TIGD1: variants seen among roughly 807,000 people sequenced by gnomAD.
The protein encoded by TIGD1 is tigger transposable element-derived protein 1.
In TIGD1, 20 loss-of-function variants were observed where a neutral mutation model predicts 21.3. That is an observed-to-expected ratio of 0.94 (90% CI 0.66 to 1.36). The LOEUF (loss-of-function observed/expected upper bound fraction) is 1.36, where lower values mean the gene tolerates loss of function less well. TIGD1 is among the 40% of genes most tolerant of loss of function. The pLI is 0.00. For missense variants in TIGD1, 556 were observed against 350.5 expected (o/e 1.59, Z -4.68); for synonymous variants, 177 against 123.2 (o/e 1.44, Z -2.89).
rs1012909651 is a variant in TIGD1, at chr2:232,548,281, A to G, written c.1602T>C (p.Phe534=). Residue 534 remains phenylalanine, a synonymous_variant, in exon 1 of 1, where the codon TTT becomes TTC. Coordinates refer to ENST00000408957, the MANE Select transcript of TIGD1 (RefSeq NM_145702.4). ...GCATGAGTTGACTCTTCCTTTCATG[A>G]AAGATTTCTCTGTAGCATGCGATGC... ...SNSIACYREI[F]HERKSQLMRK... 1.2e-5 allele frequency: 18 copies of G among 1,536,368 alleles called. No homozygotes were observed. In the Admixed American group the frequency reaches 3.0e-4, roughly 26 times the overall value.
In TIGD1 at chr2:232,543,953, G is replaced by A. The variant is rs2106222525; in HGVS notation, c.*4154C>T. Among the ~76,000 whole-genome samples the A allele has an allele frequency of 6.6e-6, 1 of 152,356 alleles. No individual in the cohort carries two copies. The highest frequency in any genetic ancestry group is 2.4e-5 in the African/African-American group (1 of 41,584). On this transcript the variant is annotated 3_prime_UTR_variant, in exon 1 of 1. Transcript: ENST00000408957. ...CTCCAATTACAGATGAGGACGTTGA[G>A]GCGCAGAGAGGTTAAGTAACCTGCC... is the stretch of plus-strand genomic sequence containing the variant.
Position 232,548,817 on chromosome 2 carries a change from C to A in TIGD1, c.1066G>T (p.Ala356Ser). The A allele has an allele frequency of 1.8e-6, 1 of 570,498 alleles. No individual in the cohort carries two copies. The highest frequency in any genetic ancestry group is 3.3e-6 in the Non-Finnish European group (1 of 305,744). 35.3% of individuals were successfully genotyped at this position (570,498 alleles called of 1,614,324 possible). ...TCAGAGACATCACTATCCATGGCAGCTAGAGCCTTATGAAATGTATTTCTC... is the reference window on the plus strand; with the variant it reads ...TCAGAGACATCACTATCCATGGCAGATAGAGCCTTATGAAATGTATTTCTC... Reference protein sequence around the residue: ...YLRNTFHKALAAMDSDVSDGS... With the variant: ...YLRNTFHKALSAMDSDVSDGS... The change falls in exon 1 of 1, where the codon GCT (alanine) becomes TCT (serine). Residue 356 changes from alanine to serine, a missense_variant. Coordinates refer to ENST00000408957, the MANE Select transcript of TIGD1 (RefSeq NM_145702.4).
In TIGD1 at chr2:232,545,854, G is replaced by C. The variant is rs1692123316; in HGVS notation, c.*2253C>G. Reference sequence around the variant, plus strand: ...AGGACTGTGTGAGCCAAACAGCCCTGAGAAAAGCTGGGGAAACAGTCTGAG... The same window carrying C: ...AGGACTGTGTGAGCCAAACAGCCCTCAGAAAAGCTGGGGAAACAGTCTGAG... On this transcript the variant is annotated 3_prime_UTR_variant, in exon 1 of 1. Coordinates refer to ENST00000408957, the MANE Select transcript of TIGD1 (RefSeq NM_145702.4). 2 of 998,580 alleles carry C rather than the reference G, an allele frequency of 2.0e-6. No individual in the cohort carries two copies. Among genetic ancestry groups the C allele is most frequent in the African/African-American group, 3.2e-5 (2 of 63,088 alleles). The allele number at this position is 998,580 out of a possible 1,614,324, so 61.9% of individuals were successfully genotyped here. A position where few individuals can be genotyped will look rare whatever the true frequency, so the allele number is the denominator to read the frequency against.
chr2:232,545,559 T>A lies in TIGD1; in HGVS notation c.*2548A>T, dbSNP rs1321558030. 1.2e-6 allele frequency: 2 copies of A among 1,613,892 alleles called. No homozygotes were observed. Among genetic ancestry groups the A allele is most frequent in the Non-Finnish European group, 1.7e-6 (2 of 1,179,978 alleles). The stretch of plus-strand genomic sequence containing the variant: ...CACCCTCAGGGGAATGAGGAGTGGT[T>A]CCTGGTGGGCCGAGTGCTGGACCGC... On this transcript the variant is annotated 3_prime_UTR_variant, in exon 1 of 1. Transcript: ENST00000408957.
Position 232,549,479 on chromosome 2 carries a change from C to T in TIGD1, c.404G>A (p.Trp135Ter). The change falls in exon 1 of 1, where the codon TGG becomes TAG. Residue 135 changes from tryptophan (W) to a stop codon, truncating the protein, a stop_gained. Coordinates refer to ENST00000408957, the MANE Select transcript of TIGD1 (RefSeq NM_145702.4). LOFTEE classifies it high-confidence loss of function. Reference sequence around the variant, plus strand: ...GCTTCTTTCCTTAAACCTCATGAACCAACCTCTGCTAGCTTCAAACTTTTC... The same window carrying T: ...GCTTCTTTCCTTAAACCTCATGAACTAACCTCTGCTAGCTTCAAACTTTTC... ...AEEKFEASRG[W>*]FMRFKERSHF... The T allele has an allele frequency of 2.9e-6, 2 of 678,044 alleles. No homozygotes were observed. The highest frequency in any genetic ancestry group is 5.3e-6 in the Non-Finnish European group (2 of 377,394). The allele number at this position is 678,044 out of a possible 1,614,324, so 42.0% of individuals were successfully genotyped here. A position where few individuals can be genotyped will look rare whatever the true frequency, so the allele number is the denominator to read the frequency against.
rs1692166521 is a variant in TIGD1, at chr2:232,548,245, T to C, written c.1638A>G (p.Ser546=). 2 of 1,543,848 alleles carry C rather than the reference T, an allele frequency of 1.3e-6. No homozygotes were observed. Among genetic ancestry groups the C allele is most frequent in the African/African-American group, 1.4e-5 (1 of 73,090 alleles). Residue 546 remains serine (S), a synonymous_variant, in exon 1 of 1, where the codon TCA becomes TCG. Coordinates refer to ENST00000408957, the MANE Select transcript of TIGD1 (RefSeq NM_145702.4). Reference sequence around the variant, plus strand: ...GCAATTTCCTAAAATAAGACATCGGTGAAGCTTTTCGCATGAGTTGACTCT... The same window carrying C: ...GCAATTTCCTAAAATAAGACATCGGCGAAGCTTTTCGCATGAGTTGACTCT... ...ERKSQLMRKA[S]PMSYFRKLPQ... is the part of the protein sequence containing the mutation.
chr2:232,545,502 G>A lies in TIGD1; in HGVS notation c.*2605C>T. 1 of 1,583,874 alleles carries A rather than the reference G, an allele frequency of 6.3e-7. No homozygotes were observed. Among genetic ancestry groups the A allele is most frequent in the Non-Finnish European group, 8.6e-7 (1 of 1,160,106 alleles). On this transcript the variant is annotated 3_prime_UTR_variant, in exon 1 of 1. Transcript: ENST00000408957. ...GAGAACAGGACCCAGGGAAGACCTG[G>A]TGCCGCCGCTGGTTATCCCACACCT...
In TIGD1 at chr2:232,545,426, TAAG is replaced by T. The variant is rs371701124; in HGVS notation, c.*2678_*2680del. On this transcript the variant is annotated 3_prime_UTR_variant, in exon 1 of 1. Transcript: ENST00000408957. ...CCACCAGTTGGGACCCGGACATAGG[TAAG>T]AAGGGCCCCAGGAAATGGAGACATG... 2.0e-4 allele frequency: 196 copies of T among 963,526 alleles called. 1 individual carries two copies. In the East Asian group the frequency reaches 4.4e-3, roughly 22 times the overall value. The allele number at this position is 963,526 out of a possible 1,614,324, so 59.7% of individuals were successfully genotyped here. A position where few individuals can be genotyped will look rare whatever the true frequency, so the allele number is the denominator to read the frequency against.
rs1235408488 is a variant in TIGD1, at chr2:232,544,568, C to G, written c.*3539G>C. 8.7e-6 allele frequency: 14 copies of G among 1,612,966 alleles called. No homozygotes were observed. Among genetic ancestry groups the G allele is most frequent in the Non-Finnish European group, 1.2e-5 (14 of 1,179,742 alleles). The stretch of plus-strand genomic sequence containing the variant: ...GCGGCAAGGGCTGGTGGCGGCAGCG[C>G]TGGAGAAGCTAGGTGAGACACACCA... On this transcript the variant is annotated 3_prime_UTR_variant, in exon 1 of 1. Transcript: ENST00000408957.
At position 232,548,693 on chromosome 2, in the gene TIGD1, G is replaced by A. The variant is rs1421830882; in HGVS notation, c.1190C>T (p.Ser397Leu). 4 of 485,268 alleles carry A rather than the reference G, an allele frequency of 8.2e-6. No homozygotes were observed. Among genetic ancestry groups the A allele is most frequent in the South Asian group, 7.0e-5 (4 of 57,250 alleles). 30.1% of individuals were successfully genotyped at this position (485,268 alleles called of 1,614,324 possible). A position where few individuals can be genotyped will look rare whatever the true frequency, so the allele number is the denominator to read the frequency against. The change falls in exon 1 of 1, where the codon TCA (serine) becomes TTA (leucine). Residue 397 changes from serine to leucine, a missense_variant. By Grantham distance (145) the Ser-to-Leu change is moderately radical. Coordinates refer to ENST00000408957, the MANE Select transcript of TIGD1 (RefSeq NM_145702.4). Reference protein sequence around the residue: ...IRDSWEEVKLSTLTGVWKKLI... With the variant: ...IRDSWEEVKLLTLTGVWKKLI... ...CTTCTTCCAAACTCCTGTTAATGTT[G>A]ACAATTTGACCTCCTCCCATGAATC...
At position 232,548,511 on chromosome 2, in the gene TIGD1, C is replaced by T. The variant is rs149609027; in HGVS notation, c.1372G>A (p.Glu458Lys). ...LQSHDKTLTD[E>K]ELFLMDAQRK... is the part of the protein sequence containing the mutation. ...TGCGCATCCATAAGAAACAACTCCT[C>T]ATCTGTTAAAGTTTTATCATGAGAT... The change falls in exon 1 of 1, where the codon GAG (glutamate) becomes AAG (lysine). Residue 458 changes from glutamate (E) to lysine (K), a missense_variant. By Grantham distance (56) the Glu-to-Lys change is moderately conservative (BLOSUM62 1). Transcript: ENST00000408957. 2.7e-4 allele frequency: 178 copies of T among 656,686 alleles called. 1 individual carries two copies. The African/African-American group carries it at 2.9e-3, about 11-fold the overall frequency. The allele number at this position is 656,686 out of a possible 1,614,324, so 40.7% of individuals were successfully genotyped here.
rs1044103140 is a variant in TIGD1, at chr2:232,544,176, C to T, written c.*3931G>A. Among the ~76,000 whole-genome samples, 6 of 152,170 alleles carry T rather than the reference C, an allele frequency of 3.9e-5. No individual in the cohort carries two copies. Among genetic ancestry groups the T allele is most frequent in the Non-Finnish European group, 8.8e-5 (6 of 68,034 alleles). The stretch of plus-strand genomic sequence containing the variant: ...GGAATCTGTGTTTATAACAAGTGCC[C>T]TGGTGATTCTGATGTGCACTGAAGT... On this transcript the variant is annotated 3_prime_UTR_variant, in exon 1 of 1. Coordinates refer to ENST00000408957, the MANE Select transcript of TIGD1 (RefSeq NM_145702.4).
At position 232,547,854 on chromosome 2, in the gene TIGD1, CTA is replaced by C. The variant is rs2106225090; in HGVS notation, c.*251_*252del. On this transcript the variant is annotated 3_prime_UTR_variant, in exon 1 of 1. Coordinates refer to ENST00000408957, the MANE Select transcript of TIGD1 (RefSeq NM_145702.4). ...CAAATGTTAACATTAGCTGCCATTA[CTA>C]TAAGTTACTGTCTCATGGGATCCAT... is the stretch of plus-strand genomic sequence containing the variant. 1 of 347,418 alleles carries C rather than the reference CTA, an allele frequency of 2.9e-6. No individual in the cohort carries two copies. Among genetic ancestry groups the C allele is most frequent in the African/African-American group, 2.1e-5 (1 of 47,692 alleles). 21.5% of individuals were successfully genotyped at this position (347,418 alleles called of 1,614,324 possible). A position where few individuals can be genotyped will look rare whatever the true frequency, so the allele number is the denominator to read the frequency against.
chr2:232,545,582 C>T lies in TIGD1; in HGVS notation c.*2525G>A, dbSNP rs199767964. On this transcript the variant is annotated 3_prime_UTR_variant, in exon 1 of 1. Transcript: ENST00000408957. The stretch of plus-strand genomic sequence containing the variant: ...GTTCCTGGTGGGCCGAGTGCTGGAC[C>T]GCGTCTGCTTCCTGGCCATGCTCTC... The T allele has an allele frequency of 5.8e-5, 93 of 1,613,934 alleles. No homozygotes were observed. The highest frequency in any genetic ancestry group is 1.1e-4 in the South Asian group (10 of 91,092).
Position 232,545,926 on chromosome 2 carries a change from TGCAGTCAGC to T in TIGD1, c.*2172_*2180del. 1 of 656,788 alleles carries T rather than the reference TGCAGTCAGC, an allele frequency of 1.5e-6. No homozygotes were observed. The highest frequency in any genetic ancestry group is 1.7e-5 in the South Asian group (1 of 57,746). 40.7% of individuals were successfully genotyped at this position (656,788 alleles called of 1,614,324 possible). ...GGGTGGGCCGTGGCTAGTGTCCTGC[TGCAGTCAGC>T]ACACACGTGGGATTGGCTAGCTCAT... On this transcript the variant is annotated 3_prime_UTR_variant, in exon 1 of 1. Coordinates refer to ENST00000408957, the MANE Select transcript of TIGD1 (RefSeq NM_145702.4).
chr2:232,544,667 T>A lies in TIGD1; in HGVS notation c.*3440A>T. ...GCACAGCAGATGAGTGCTGGAGAAG[T>A]GCCCAGGTCAGGGAGAGAGGAGCTG... On this transcript the variant is annotated 3_prime_UTR_variant, in exon 1 of 1. Coordinates refer to ENST00000408957, the MANE Select transcript of TIGD1 (RefSeq NM_145702.4). 6.4e-7 allele frequency: 1 copy of A among 1,563,078 alleles called. No individual in the cohort carries two copies. Among genetic ancestry groups the A allele is most frequent in the Non-Finnish European group, 8.8e-7 (1 of 1,135,626 alleles).
Position 232,543,901 on chromosome 2 carries a change from AT to A in TIGD1, c.*4205del, listed in dbSNP as rs986176374. 6.6e-6 allele frequency among the ~76,000 whole-genome samples: 1 copy of A among 152,244 alleles called. No individual in the cohort carries two copies. Among genetic ancestry groups the A allele is most frequent in the African/African-American group, 2.4e-5 (1 of 41,460 alleles). ...CCCGGGATATTACAAATGTTAATGT[AT>A]TTCATCTTCATAAAACCCATATCAC... On this transcript the variant is annotated 3_prime_UTR_variant, in exon 1 of 1. Transcript: ENST00000408957.
chr2:232,546,142 C>T lies in TIGD1; in HGVS notation c.*1965G>A, dbSNP rs532237748. 1.6e-5 allele frequency: 5 copies of T among 311,974 alleles called. No individual in the cohort carries two copies. The highest frequency in any genetic ancestry group is 8.1e-5 in the East Asian group (1 of 12,356). The allele number at this position is 311,974 out of a possible 1,614,324, so 19.3% of individuals were successfully genotyped here. ...CACAAGAGGTGTGAAGAGTAGCAGC[C>T]GATGCTCTCTCCAAAGCAGGGCAGC... On this transcript the variant is annotated 3_prime_UTR_variant, in exon 1 of 1. Coordinates refer to ENST00000408957, the MANE Select transcript of TIGD1 (RefSeq NM_145702.4).
chr2:232,549,920 T>C lies in TIGD1; in HGVS notation c.-38A>G. ...AATTCGCCTAATCTCAATATTGTTG[T>C]GTCTCAGGGAATAGGGAGGCCCAAG... On this transcript the variant is annotated 5_prime_UTR_variant, in exon 1 of 1. Transcript: ENST00000408957. 8.6e-7 allele frequency: 1 copy of C among 1,168,888 alleles called. No individual in the cohort carries two copies. Among genetic ancestry groups the C allele is most frequent in the Non-Finnish European group, 1.2e-6 (1 of 838,890 alleles). 72.4% of individuals were successfully genotyped at this position (1,168,888 alleles called of 1,614,324 possible).
Sources: allele counts gnomAD v4.1 joint callset (sites outside exome capture counted in the v4.1 genomes callset), GRCh38; gene constraint gnomAD v4.1.1; transcripts MANE v1.5; gene names NCBI Gene and HGNC (gene_info 2026-07-23, HGNC 2026-07-21).